Variants in GATAD2A observed in about 807,000 individuals in gnomAD.
The protein encoded by GATAD2A is transcriptional repressor p66-alpha.
Under a neutral mutation model 68.5 loss-of-function variants are expected in GATAD2A, and 12 were observed. The observed-to-expected ratio is 0.18, with a 90% CI of 0.11 to 0.28. The LOEUF (loss-of-function observed/expected upper bound fraction) is 0.28, where lower values mean the gene tolerates loss of function less well. Ranked by LOEUF, GATAD2A falls within the 10% of genes least tolerant of loss-of-function variation. GATAD2A has a pLI of 1.00. For missense variants in GATAD2A, 755 were observed against 868.5 expected, an observed-to-expected ratio of 0.87 and a Z score of 1.64; for synonymous variants, 410 against 375.3, an observed-to-expected ratio of 1.09 and a Z score of -1.07.
At chr19:19,470,369 C>T (rs935103199) in intron 2 of GATAD2A, among the ~76,000 whole-genome samples, 10 of 151,966 alleles carry the variant, frequency 6.6e-5, no homozygotes, top group African/African-American at 2.2e-4. Context: ...CTCCTGACCT[C>T]GTGATCCGCC....
chr19:19,427,456 T>TA (rs528530663), intron 1 of GATAD2A: 1 of 151,648 alleles, frequency 6.6e-6, no homozygotes, highest in Non-Finnish European at 1.5e-5. Flanking sequence ...GGGGTGGGGT[T>TA]AAAAAAATGC....
At chr19:19,458,811 C>T (rs1308796260) in intron 1 of GATAD2A, among the ~76,000 whole-genome samples, 1 of 152,204 alleles carries the variant, frequency 6.6e-6, no homozygotes, top group Non-Finnish European at 1.5e-5. Flanking sequence ...GTGGTATCCT[C>T]TCTCGGCCCA....
Position 19,498,676 on chromosome 19 carries a change from C to T in GATAD2A, c.1158C>T (p.Tyr386=), listed in dbSNP as rs374225726. 7 of 1,613,634 alleles carry T rather than the reference C, an allele frequency of 4.3e-6. No homozygotes were observed. Among genetic ancestry groups the T allele is most frequent in the African/African-American group, 1.3e-5 (1 of 74,946 alleles). The stretch of plus-strand genomic sequence containing the variant: ...GCGCCGCCAACAACGAGTTCATCTA[C>T]CTGGTCGGCCTGGAGGAGGTGGTGC... ...LPSAANNEFI[Y]LVGLEEVVQN... is the part of the protein sequence containing the mutation. Residue 386 remains tyrosine (Y), a synonymous_variant, in exon 8 of 12, where the codon TAC becomes TAT. Transcript: ENST00000683918.
chr19:19,501,874 C>A, intron 9 of GATAD2A, 95 bp from the exon 10 acceptor site: 1 of 891,234 alleles, frequency 1.1e-6, no homozygotes, highest in Non-Finnish European at 1.8e-6. Flanking sequence ...CCTAAAGTCC[C>A]CAGGGGACGG....
intron 10 of GATAD2A, 105 bp downstream of exon 10, chr19:19,502,148 T>G (rs2060573397): frequency 1.1e-6 from 1 of 931,844 alleles, no homozygotes; most frequent in South Asian, 1.5e-5. Flanking sequence ...TCTCCCTGTT[T>G]CTGTTTCACT....
Position 19,505,449 on chromosome 19 carries a change from T to C in GATAD2A, c.1880T>C (p.Ile627Thr). ...CTGGACATGATCCCACCCCGCTCCATCCCCCAGTCAGCCACGTGGAAATAG... is the reference window on the plus strand; with the variant it reads ...CTGGACATGATCCCACCCCGCTCCACCCCCCAGTCAGCCACGTGGAAATAG... ...YLLDMIPPRS[I>T]PQSATWK The change falls in exon 12 of 12, where the codon ATC (isoleucine) becomes ACC (threonine). Residue 627 changes from isoleucine (I) to threonine (T), a missense_variant. By Grantham distance (89) the Ile-to-Thr change is moderately conservative. Transcript: ENST00000683918. The C allele has an allele frequency of 6.2e-7, 1 of 1,604,586 alleles. No homozygotes were observed. Among genetic ancestry groups the C allele is most frequent in the Non-Finnish European group, 8.5e-7 (1 of 1,175,386 alleles).
chr19:19,475,033 C>A (rs1194462803), intron 2 of GATAD2A, among the ~76,000 whole-genome samples: 1 of 152,218 alleles, frequency 6.6e-6, no homozygotes, highest in African/African-American at 2.4e-5. Context: ...TTGCTGGTGC[C>A]ACAGAACCCC....
chr19:19,391,891 G>T (rs1300859441), intron 1 of GATAD2A, among the ~76,000 whole-genome samples: 1 of 152,092 alleles, frequency 6.6e-6, no homozygotes, highest in Non-Finnish European at 1.5e-5. Context: ...TTAAATCCCT[G>T]TGGGATCTTG....
Position 19,451,049 on chromosome 19 carries a change from C to T in GATAD2A, c.-6-14291C>T, listed in dbSNP as rs886193508. Among the ~76,000 whole-genome samples the T allele has an allele frequency of 3.3e-5, 5 of 150,760 alleles. No individual in the cohort carries two copies. In the East Asian group the frequency reaches 6.0e-4, roughly 18 times the overall value. ...CCTCCCAAAATGCTGATATTATAGG[C>T]GTGAGCCACCGCACCCGGCCGAGAT... On this transcript the variant is annotated intron_variant, in intron 1 of 11. Coordinates refer to ENST00000683918, the MANE Select transcript of GATAD2A (RefSeq NM_001384528.1).
At chr19:19,405,526 G>T (rs1467731479), upstream of GATAD2A, among the ~76,000 whole-genome samples, 1 of 152,124 alleles carries the variant, frequency 6.6e-6, no homozygotes, top group African/African-American at 2.4e-5. Flanking sequence ...CGCCCAACGA[G>T]GTGTCGCGTG....
At chr19:19,420,331 C>CTTT (rs1184441572) in intron 1 of GATAD2A, among the ~76,000 whole-genome samples, 17 of 86,064 alleles carry the variant, frequency 2.0e-4, no homozygotes, top group South Asian at 8.8e-4. Context: ...CCCATCTTGA[C>CTTT]TTTTTTTTTT....
intron 1 of GATAD2A, among the ~76,000 whole-genome samples, chr19:19,456,623 C>G (rs1230459581): frequency 1.3e-5 from 2 of 152,090 alleles, no homozygotes; most frequent in East Asian, 3.9e-4. Flanking sequence ...AGGAGTGCTG[C>G]CTCTGTTGCG....
intron 2 of GATAD2A, among the ~76,000 whole-genome samples, chr19:19,490,205 C>T (rs2059695315): frequency 6.6e-6 from 1 of 152,156 alleles, no homozygotes; most frequent in African/African-American, 2.4e-5. Flanking sequence ...CTAGGACCAG[C>T]GTTCAGGTAC....
At chr19:19,417,281 C>T (rs2051767572) in intron 1 of GATAD2A, among the ~76,000 whole-genome samples, 1 of 152,124 alleles carries the variant, frequency 6.6e-6, no homozygotes, top group Admixed American at 6.6e-5. Context: ...GGGTAAGTGG[C>T]CCCTGCCCTT....
chr19:19,413,923 T>C (rs764313434), intron 1 of GATAD2A, among the ~76,000 whole-genome samples: 40 of 152,324 alleles, frequency 2.6e-4, no homozygotes, highest in Non-Finnish European at 5.6e-4. Flanking sequence ...TTTGATGAAC[T>C]GACCTCGGTA....
chr19:19,420,800 G>A (rs2052329601), intron 1 of GATAD2A, among the ~76,000 whole-genome samples: 2 of 152,052 alleles, frequency 1.3e-5, no homozygotes, highest in African/African-American at 2.4e-5. Context: ...ACAGTCCCTC[G>A]TATGAGTGTT....
At chr19:19,469,282 A>C (rs530788596) in intron 2 of GATAD2A, among the ~76,000 whole-genome samples, 1 of 151,918 alleles carries the variant, frequency 6.6e-6, no homozygotes, top group East Asian at 1.9e-4. Flanking sequence ...ATACAAAAAA[A>C]TTAGCCTGGC....
At chr19:19,430,445 G>A (rs994632320) in intron 1 of GATAD2A, among the ~76,000 whole-genome samples, 1 of 152,214 alleles carries the variant, frequency 6.6e-6, no homozygotes, top group Non-Finnish European at 1.5e-5. Context: ...CCTAGGAGAG[G>A]GGCGGGAGAA....
At chr19:19,446,609 G>C (rs772248194) in intron 1 of GATAD2A, among the ~76,000 whole-genome samples, 3 of 152,030 alleles carry the variant, frequency 2.0e-5, no homozygotes, top group Non-Finnish European at 4.4e-5. Context: ...ACCAAGTCAT[G>C]ACATTTTTCT....
Sources: allele counts gnomAD v4.1 joint callset (sites outside exome capture counted in the v4.1 genomes callset), GRCh38; gene constraint gnomAD v4.1.1; transcripts MANE v1.5; gene names NCBI Gene and HGNC (gene_info 2026-07-23, HGNC 2026-07-21).